The following AGT variants were observed in gnomAD, a reference collection of about 807,000 sequenced individuals.
AGT encodes the protein angiotensinogen.
Under a neutral mutation model 28.1 loss-of-function variants are expected in AGT, and 26 were observed. The observed-to-expected ratio is 0.92, with a 90% CI of 0.68 to 1.28. The LOEUF (loss-of-function observed/expected upper bound fraction) is 1.28, where lower values mean the gene tolerates loss of function less well. Ranked by LOEUF, AGT falls within the 50% of genes most tolerant of loss-of-function variation. The pLI, the probability that AGT is intolerant of heterozygous loss-of-function variation, is 0.00. For missense variants in AGT, 596 were observed against 592.3 expected (o/e 1.01, Z -0.06); for synonymous variants, 259 against 259.6 (o/e 1.00, Z 0.02).
intron 1 of AGT, among the ~76,000 whole-genome samples, chr1:230,711,765 ATGGCT>A (rs1663598041): frequency 6.6e-6 from 1 of 151,804 alleles, no homozygotes; most frequent in Non-Finnish European, 1.5e-5. Context: ...CATACCTAGC[ATGGCT>A]TGCCCAATGA....
At chr1:230,743,684 C>T (rs979410090) in intron 1 of AGT, among the ~76,000 whole-genome samples, 3 of 152,224 alleles carry the variant, frequency 2.0e-5, no homozygotes, top group Admixed American at 2.0e-4. Flanking sequence ...TTTGGCATAT[C>T]CCTCAAAACC....
At chr1:230,735,040 G>A (rs1664133290) in intron 1 of AGT, among the ~76,000 whole-genome samples, 1 of 152,078 alleles carries the variant, frequency 6.6e-6, no homozygotes, top group African/African-American at 2.4e-5. Flanking sequence ...ATCCCTGGAG[G>A]AGAGGGTCTG....
intron 2 of AGT, among the ~76,000 whole-genome samples, chr1:230,708,883 T>C (rs1302293801): frequency 2.0e-5 from 3 of 152,152 alleles, no homozygotes; most frequent in Non-Finnish European, 2.9e-5. Flanking sequence ...AGCATGGCGT[T>C]CAAAGTGTCT....
intron 1 of AGT, among the ~76,000 whole-genome samples, chr1:230,738,223 C>T (rs1664187195): frequency 6.6e-6 from 1 of 152,212 alleles, no homozygotes; most frequent in Non-Finnish European, 1.5e-5. Flanking sequence ...AGGAGTGAAA[C>T]TGCTGGCTCC....
intron 1 of AGT, among the ~76,000 whole-genome samples, chr1:230,711,919 A>G (rs1663602817): frequency 6.6e-6 from 1 of 151,988 alleles, no homozygotes; most frequent in Non-Finnish European, 1.5e-5. Context: ...CGTTCTCTCA[A>G]AGGCCTTGCA....
chr1:230,703,520 G>A (rs571188083), intron 4 of AGT, among the ~76,000 whole-genome samples, 191 bp from the exon 5 acceptor site: 1 of 152,256 alleles, frequency 6.6e-6, no homozygotes, highest in East Asian at 1.9e-4. Context: ...GTGTCTGTGT[G>A]TAGATGACCG....
chr1:230,720,820 C>T (rs1663829081), intron 1 of AGT, among the ~76,000 whole-genome samples: 1 of 152,234 alleles, frequency 6.6e-6, no homozygotes, highest in South Asian at 2.1e-4. Flanking sequence ...GGGACTTTCC[C>T]ACCTTCTGGT....
intron 1 of AGT, among the ~76,000 whole-genome samples, chr1:230,726,655 G>C (rs1417007541): frequency 6.6e-6 from 1 of 152,082 alleles, no homozygotes; most frequent in Non-Finnish European, 1.5e-5. Flanking sequence ...ATCAATAGTA[G>C]GGAGTCTAAT....
intron 2 of AGT, 95 bp downstream of exon 2, chr1:230,709,900 G>GC: frequency 6.4e-7 from 1 of 1,556,360 alleles, no homozygotes; most frequent in Non-Finnish European, 8.8e-7. Context: ...CCGCAGGGCT[G>GC]CCCCCTGCCC....
intron 1 of AGT, among the ~76,000 whole-genome samples, chr1:230,741,820 C>T (rs1035541702): frequency 6.6e-6 from 1 of 152,078 alleles, no homozygotes; most frequent in Admixed American, 6.5e-5. Flanking sequence ...GAGAGATACA[C>T]GGGGGAGGGA....
upstream of AGT, among the ~76,000 whole-genome samples, chr1:230,718,026 T>C (rs555181848): frequency 1.3e-5 from 2 of 152,218 alleles, no homozygotes; most frequent in South Asian, 4.2e-4. Flanking sequence ...TGCAGTGGCA[T>C]GATCATGTCT....
Position 230,710,620 on chromosome 1 carries a change from G to T in AGT, c.204C>A (p.Ser68=). 6.2e-7 allele frequency: 1 copy of T among 1,614,262 alleles called. No individual in the cohort carries two copies. The highest frequency in any genetic ancestry group is 8.5e-7 in the Non-Finnish European group (1 of 1,180,048). Residue 68 remains serine, a synonymous_variant, in exon 2 of 5, where the codon TCC becomes TCA. Transcript: ENST00000366667. ...FIPAPIQAKT[S]PVDEKALQDQ... ...CCTGTAGGGCCTTTTCATCCACAGG[G>T]GATGTCTTGGCCTGAATTGGAGCAG...
rs1289650697 is a variant in AGT at position 230,702,647 on chromosome 1, A to C, written c.*494T>G. On this transcript the variant is annotated 3_prime_UTR_variant, in exon 5 of 5. Transcript: ENST00000366667. ...TTTCACGTATTGTTCAAAAATCACAAGCATCTGTGGAAAAAACTAAGGTAT... is the reference window on the plus strand; with the variant it reads ...TTTCACGTATTGTTCAAAAATCACACGCATCTGTGGAAAAAACTAAGGTAT... 6.2e-6 allele frequency: 1 copy of C among 160,526 alleles called. No homozygotes were observed. Among genetic ancestry groups the C allele is most frequent in the Non-Finnish European group, 1.4e-5 (1 of 72,156 alleles). 9.9% of individuals were successfully genotyped at this position (160,526 alleles called of 1,614,324 possible).
intron 1 of AGT, among the ~76,000 whole-genome samples, chr1:230,729,808 A>C (rs1352373390): frequency 3.3e-5 from 5 of 152,110 alleles, no homozygotes; most frequent in African/African-American, 7.2e-5. Flanking sequence ...TGTAATGCCT[A>C]CATGACATAG....
intron 1 of AGT, among the ~76,000 whole-genome samples, chr1:230,731,301 C>G (rs951113732): frequency 6.6e-6 from 1 of 152,184 alleles, no homozygotes; most frequent in Non-Finnish European, 1.5e-5. Context: ...TCCCACAGGC[C>G]TCCCAACCCG....
upstream of AGT, among the ~76,000 whole-genome samples, chr1:230,717,545 A>G (rs1382148185): frequency 2.6e-5 from 4 of 152,170 alleles, no homozygotes; most frequent in African/African-American, 9.7e-5. Flanking sequence ...GCCAAAACTA[A>G]TTGTTTCACA....
upstream of AGT, among the ~76,000 whole-genome samples, chr1:230,718,328 A>T (rs565102564): frequency 8.1e-4 from 123 of 152,258 alleles, no homozygotes; most frequent in African/African-American, 2.8e-3. Flanking sequence ...TAGTAAAATG[A>T]TTATGGTAGT....
rs148154423 is a variant in AGT, at chr1:230,741,458, C to T, written c.-31+4057G>A. On this transcript the variant is annotated intron_variant, in intron 1 of 4. Transcript: ENST00000681269. Reference sequence around the variant, plus strand: ...CAAAGACTGGCATCACCCTGTGGAGCAGCGAGTGTGGGGGAGATTTGGGCT... The same window carrying T: ...CAAAGACTGGCATCACCCTGTGGAGTAGCGAGTGTGGGGGAGATTTGGGCT... 5.3e-3 allele frequency among the ~76,000 whole-genome samples: 812 copies of T among 152,366 alleles called. 8 individuals are homozygous for T. Among genetic ancestry groups the T allele is most frequent in the African/African-American group, 0.019 (779 of 41,584 alleles).
Position 230,730,221 on chromosome 1 carries a change from A to AT in AGT, c.-31+15293dup, listed in dbSNP as rs200412429. Among the ~76,000 whole-genome samples, 31 of 150,882 alleles carry AT rather than the reference A, an allele frequency of 2.1e-4. 1 individual carries two copies. The highest frequency in any genetic ancestry group is 4.6e-4 in the African/African-American group (19 of 41,060). ...CAGGTGTGAGCTACCATGCCCGGCT[A>AT]TTTTTTTGTTTTGTTTTGTTTTTTA... is the stretch of plus-strand genomic sequence containing the variant. On this transcript the variant is annotated intron_variant, in intron 1 of 4. Transcript: ENST00000681269.
Sources: gnomAD v4.1 joint callset for allele counts (sites outside exome capture counted in the v4.1 genomes callset) on GRCh38, gnomAD v4.1.1 for gene constraint, MANE v1.5 for transcripts, NCBI Gene and HGNC (gene_info 2026-07-23, HGNC 2026-07-21) for gene names.